Variants in UGT1A8 observed in about 807,000 individuals in gnomAD.
UGT1A8 encodes UDP glucuronosyltransferase family 1 member A8, also known as UDP-glucuronosyltransferase 1A8.
Under a neutral mutation model 45.3 loss-of-function variants are expected in UGT1A8, and 39 were observed. The observed-to-expected ratio is 0.86, with a 90% CI of 0.67 to 1.12. The LOEUF is 1.12. UGT1A8 is among the 50% of genes most tolerant of loss of function. The pLI, the probability that UGT1A8 is intolerant of heterozygous loss-of-function variation, is 0.00. For synonymous variants in UGT1A8, 275 were observed against 249.2 expected (o/e 1.10, Z -0.97); for missense variants, 719 against 664.9 (o/e 1.08, Z -0.90).
chr2:233,716,945 C>G (rs1559362074), intron 1 of UGT1A8, among the ~76,000 whole-genome samples: 1 of 152,182 alleles, frequency 6.6e-6, no homozygotes, highest in Non-Finnish European at 1.5e-5. Context: ...TCCTATTTCC[C>G]AGGCACCAGG....
At chr2:233,736,540 G>T (rs7564935) in intron 1 of UGT1A8, among the ~76,000 whole-genome samples, 55,271 of 152,042 alleles carry the variant, frequency 0.36, 10,225 homozygotes, top group African/African-American at 0.41. Context: ...TCTCTTTCCA[G>T]CTTTGCTCCA....
intron 1 of UGT1A8, chr2:233,740,614 G>C (rs1166695020): frequency 6.6e-6 from 1 of 151,764 alleles, no homozygotes; most frequent in Non-Finnish European, 1.5e-5. Context: ...AGGTCTCTTG[G>C]GGCTCACAGG....
At chr2:233,724,138 G>A (rs2077174540) in intron 1 of UGT1A8, among the ~76,000 whole-genome samples, 1 of 122,456 alleles carries the variant, frequency 8.2e-6, no homozygotes, top group Non-Finnish European at 1.7e-5. Context: ...CTCCCGGACG[G>A]GGCGGCTGGC....
At chr2:233,686,570 G>A (rs1027526190) in intron 1 of UGT1A8, among the ~76,000 whole-genome samples, 18 of 152,112 alleles carry the variant, frequency 1.2e-4, no homozygotes, top group African/African-American at 4.3e-4. Flanking sequence ...GGTTTCAGAA[G>A]TTAGTGTGGA....
At chr2:233,716,532 T>G (rs570808128) in intron 1 of UGT1A8, among the ~76,000 whole-genome samples, 3 of 152,316 alleles carry the variant, frequency 2.0e-5, no homozygotes, top group African/African-American at 7.2e-5. Flanking sequence ...TTCAATTATC[T>G]CCTTTCTCTC....
At chr2:233,631,780 A>G (rs1450215290) in intron 1 of UGT1A8, among the ~76,000 whole-genome samples, 1 of 151,934 alleles carries the variant, frequency 6.6e-6, no homozygotes, top group Non-Finnish European at 1.5e-5. Context: ...CCATTCTGTA[A>G]GTTGCCTGTT....
At chr2:233,704,742 G>A (rs1423221721) in intron 1 of UGT1A8, among the ~76,000 whole-genome samples, 1 of 151,988 alleles carries the variant, frequency 6.6e-6, no homozygotes, top group East Asian at 1.9e-4. Flanking sequence ...CCTCCCTTGT[G>A]CTATTATTGT....
rs144094855 is a variant in UGT1A8 at position 233,720,325 on chromosome 2, G to A, written c.856-46709G>A. On this transcript the variant is annotated intron_variant, in intron 1 of 4. Coordinates refer to ENST00000373450, the MANE Select transcript of UGT1A8 (RefSeq NM_019076.5). ...GTCTGGTGTATGATGTGGGGACATC[G>A]TAGAGTTTGGAAGGTATGGTGATGG... Among the ~76,000 whole-genome samples the A allele has an allele frequency of 7.7e-4, 117 of 152,214 alleles. 2 individuals are homozygous for A. The highest frequency in any genetic ancestry group is 2.4e-3 in the African/African-American group (101 of 41,542).
At chr2:233,719,881 G>A (rs1265603009) in intron 1 of UGT1A8, among the ~76,000 whole-genome samples, 1 of 152,192 alleles carries the variant, frequency 6.6e-6, no homozygotes, top group East Asian at 1.9e-4. Flanking sequence ...AAGAGGCACG[G>A]ATGAGGGTCT....
chr2:233,674,070 T>C (rs1015042043), intron 1 of UGT1A8, among the ~76,000 whole-genome samples: 3 of 152,168 alleles, frequency 2.0e-5, no homozygotes. Context: ...AAACACCTAA[T>C]GTCTAATCTC....
chr2:233,694,940 T>G (rs779505929), intron 1 of UGT1A8, among the ~76,000 whole-genome samples: 17 of 152,240 alleles, frequency 1.1e-4, no homozygotes, highest in Non-Finnish European at 2.4e-4. Context: ...TCAGGGTAAT[T>G]GAGATATCCA....
rs1575379268 is a variant in UGT1A8, at chr2:233,617,637, C to T, written c.-71C>T. 40 of 1,543,190 alleles carry T rather than the reference C, an allele frequency of 2.6e-5. No homozygotes were observed. The East Asian group carries it at 9.0e-4, about 35-fold the overall frequency. The stretch of plus-strand genomic sequence containing the variant: ...CCTCTATTGGGGTCAGGTTTTGTGC[C>T]TGTAGTTCTTCCGCCTACTGTATCA... On this transcript the variant is annotated 5_prime_UTR_variant, in exon 1 of 5. Transcript: ENST00000373450.
intron 1 of UGT1A8, among the ~76,000 whole-genome samples, chr2:233,640,323 A>G (rs966002024): frequency 2.6e-5 from 4 of 152,106 alleles, no homozygotes; most frequent in South Asian, 4.2e-4. Context: ...GACCTTTTAA[A>G]GAAACTTTTT....
At chr2:233,747,178 G>A (rs1378396151) in intron 1 of UGT1A8, 1 of 1,600,996 alleles carries the variant, frequency 6.2e-7, no homozygotes, top group African/African-American at 1.3e-5. Context: ...GGCACAGCGT[G>A]GGGTGGACAG....
intron 1 of UGT1A8, among the ~76,000 whole-genome samples, chr2:233,638,324 T>G (rs963207242): frequency 6.6e-6 from 1 of 152,202 alleles, no homozygotes; most frequent in Non-Finnish European, 1.5e-5. Flanking sequence ...ATTTCTACAT[T>G]TAACTGATTA....
At chr2:233,770,952 GA>G (rs1289547688) in intron 4 of UGT1A8, 4 of 152,160 alleles carry the variant, frequency 2.6e-5, no homozygotes, top group African/African-American at 9.7e-5. Context: ...GAACCTCAGG[GA>G]GCTTTTACTC....
intron 4 of UGT1A8, 146 bp from the exon 5 acceptor site, chr2:233,772,116 A>AAAC (rs1252124628): frequency 7.8e-6 from 12 of 1,531,304 alleles, no homozygotes; most frequent in South Asian, 4.9e-5. Context: ...CTGTATCTAA[A>AAAC]AACAACAACA....
intron 1 of UGT1A8, among the ~76,000 whole-genome samples, chr2:233,740,264 G>A (rs540642726): frequency 1.3e-5 from 2 of 151,992 alleles, no homozygotes; most frequent in Admixed American, 6.5e-5. Flanking sequence ...GATTGGTGGT[G>A]ATTGAAGTTA....
intron 4 of UGT1A8, chr2:233,771,145 C>T (rs1356050343): frequency 6.6e-6 from 1 of 152,246 alleles, no homozygotes; most frequent in Non-Finnish European, 1.5e-5. Context: ...AAACACCTCC[C>T]ACCAGGCCCC....
Sources: gnomAD v4.1 joint callset for allele counts (sites outside exome capture counted in the v4.1 genomes callset) on GRCh38, gnomAD v4.1.1 for gene constraint, MANE v1.5 for transcripts, NCBI Gene and HGNC (gene_info 2026-07-23, HGNC 2026-07-21) for gene names.